CACNG6: variants seen among roughly 807,000 people sequenced by gnomAD.
CACNG6 encodes the protein voltage-dependent calcium channel gamma-6 subunit.
CACNG6 carries 21 observed loss-of-function variants against 23.9 expected under a neutral mutation model. The ratio of observed to expected loss-of-function variants is 0.88; its 90% CI spans 0.62 to 1.26. CACNG6 has a LOEUF of 1.26. Ranked by LOEUF, CACNG6 falls within the 50% of genes most tolerant of loss-of-function variation. CACNG6 has a pLI of 0.00. For synonymous variants in CACNG6, 182 were observed against 168.9 expected, an observed-to-expected ratio of 1.08 and a Z score of -0.60; for missense variants, 340 against 352.9, an observed-to-expected ratio of 0.96 and a Z score of 0.29.
chr19:53,993,103 TGCGA>T lies in CACNG6; in HGVS notation c.227_230del (p.Cys76Ter), dbSNP rs1176236347. ...CTACAAGGCCAACGGCAGCGCCGTG[TGCGA>T]AGCGGCCCACCTGGGGCTGTGGAAG... On this transcript the variant is annotated frameshift_variant, in exon 1 of 4. Transcript: ENST00000252729. LOFTEE classifies it high-confidence loss of function. The T allele has an allele frequency of 3.2e-6, 5 of 1,546,786 alleles. No homozygotes were observed. The African/African-American group carries it at 6.9e-5, about 21-fold the overall frequency.
At chr19:54,010,752 T>A (rs2556364) in intron 3 of CACNG6, among the ~76,000 whole-genome samples, 82,196 of 149,974 alleles carry the variant, frequency 0.55, 24,866 homozygotes, top group East Asian at 0.82. Flanking sequence ...TTTTTTAAAA[T>A]TTTTTTTTTG....
intron 3 of CACNG6, among the ~76,000 whole-genome samples, chr19:54,003,918 C>T (rs1314151322): frequency 6.6e-6 from 1 of 152,122 alleles, no homozygotes; most frequent in South Asian, 2.1e-4. Flanking sequence ...TGTACAGTGG[C>T]ACAATCACAG....
In CACNG6 at chr19:54,011,221, T is replaced by TACAC. The variant is rs373872212; in HGVS notation, c.545-729_545-728insCACA. Among the ~76,000 whole-genome samples the TACAC allele has an allele frequency of 8.9e-4, 90 of 101,078 alleles. 1 individual carries two copies. The highest frequency in any genetic ancestry group is 1.8e-3 in the South Asian group (6 of 3,374). 66.3% of individuals were successfully genotyped at this position (101,078 alleles called of 152,430 possible). A position where few individuals can be genotyped will look rare whatever the true frequency, so the allele number is the denominator to read the frequency against. ...AAAAAAAAAAATATATATATATATATATATATACACACACACACACACACA... is the reference window on the plus strand; with the variant it reads ...AAAAAAAAAAATATATATATATATATACACATATATACACACACACACACACACA... On this transcript the variant is annotated intron_variant, in intron 3 of 3. Coordinates refer to ENST00000252729, the MANE Select transcript of CACNG6 (RefSeq NM_145814.2).
At chr19:54,010,241 T>C (rs1309335057) in intron 3 of CACNG6, among the ~76,000 whole-genome samples, 1 of 151,988 alleles carries the variant, frequency 6.6e-6, no homozygotes, top group Non-Finnish European at 1.5e-5. Flanking sequence ...CTTGAACTCC[T>C]GACCTCAGGT....
At chr19:54,005,481 C>T (rs1394995402) in intron 3 of CACNG6, among the ~76,000 whole-genome samples, 1 of 151,172 alleles carries the variant, frequency 6.6e-6, no homozygotes, top group African/African-American at 2.4e-5. Flanking sequence ...ACTGGCCGGG[C>T]ATGGTGGTTC....
chr19:54,002,580 G>A (rs552697638), intron 3 of CACNG6, among the ~76,000 whole-genome samples: 24 of 151,488 alleles, frequency 1.6e-4, no homozygotes, highest in African/African-American at 4.8e-4. Flanking sequence ...AGGACGCAAC[G>A]ATGAATAAAA....
In CACNG6 at chr19:54,012,181, G is replaced by C. The variant is rs200238789; in HGVS notation, c.775G>C (p.Ala259Pro). The C allele has an allele frequency of 9.7e-5, 130 of 1,339,768 alleles. 1 individual carries two copies. In the African/African-American group the frequency reaches 1.9e-3, roughly 19 times the overall value. 83.0% of individuals were successfully genotyped at this position (1,339,768 alleles called of 1,614,324 possible). A position where few individuals can be genotyped will look rare whatever the true frequency, so the allele number is the denominator to read the frequency against. Residue 259 changes from alanine to proline, a missense_variant, in exon 4 of 4, where the codon GCC becomes CCC. Physicochemically the swap from Ala to Pro is conservative, Grantham distance 27 (BLOSUM62 -1). Transcript: ENST00000252729. ...CCTCTGTCCCAAGCGGGGGCACCGGGCCACCTAGAGCCACGCGTGAGACTT... is the reference window on the plus strand; with the variant it reads ...CCTCTGTCCCAAGCGGGGGCACCGGCCCACCTAGAGCCACGCGTGAGACTT... ...GSLCPKRGHR[A>P]T
intron 3 of CACNG6, among the ~76,000 whole-genome samples, chr19:53,999,995 T>C (rs1224338458): frequency 2.6e-5 from 4 of 152,174 alleles, no homozygotes; most frequent in African/African-American, 9.6e-5. Context: ...CCAAGCCCTG[T>C]TGCATGCTTG....
intron 1 of CACNG6, among the ~76,000 whole-genome samples, chr19:53,994,489 A>G (rs1363496205): frequency 1.3e-5 from 2 of 152,034 alleles, no homozygotes; most frequent in Non-Finnish European, 2.9e-5. Flanking sequence ...GGGACATTCT[A>G]TACCCCTTGG....
intron 1 of CACNG6, among the ~76,000 whole-genome samples, chr19:53,995,744 C>T (rs10419564): frequency 0.03 from 4,600 of 152,340 alleles, 224 homozygotes; most frequent in African/African-American, 0.1. Context: ...CCACTGCAAC[C>T]TCTGCCTCCA....
At chr19:53,998,980 G>T (rs1030168219) in intron 2 of CACNG6, among the ~76,000 whole-genome samples, 4 of 152,146 alleles carry the variant, frequency 2.6e-5, no homozygotes, top group Non-Finnish European at 4.4e-5. Context: ...CCTCGCAGTA[G>T]CCCTGCAGGG....
intron 3 of CACNG6, among the ~76,000 whole-genome samples, chr19:54,008,963 T>C (rs1190642873): frequency 6.6e-6 from 1 of 152,182 alleles, no homozygotes; most frequent in Non-Finnish European, 1.5e-5. Context: ...CGTTTAAAGG[T>C]TGGGAGAATT....
intron 1 of CACNG6, 61 bp downstream of exon 1, chr19:53,993,269 C>T (rs1169457608): frequency 6.8e-7 from 1 of 1,466,836 alleles, no homozygotes; most frequent in Non-Finnish European, 9.0e-7. Context: ...GGAGAGGGGC[C>T]CGTGTCCGAG....
At chr19:54,009,335 C>T (rs2069679440) in intron 3 of CACNG6, among the ~76,000 whole-genome samples, 1 of 150,088 alleles carries the variant, frequency 6.7e-6, no homozygotes, top group African/African-American at 2.5e-5. Context: ...GCAGGAGAAT[C>T]ACTTGAACTG....
At chr19:54,003,581 G>A (rs1483374485) in intron 3 of CACNG6, among the ~76,000 whole-genome samples, 5 of 151,932 alleles carry the variant, frequency 3.3e-5, no homozygotes, top group Non-Finnish European at 5.9e-5. Flanking sequence ...GGCTGGTCTC[G>A]AACTCCTGAC....
At chr19:53,999,984 T>C (rs1031409211) in intron 3 of CACNG6, among the ~76,000 whole-genome samples, 3 of 152,038 alleles carry the variant, frequency 2.0e-5, no homozygotes, top group African/African-American at 7.3e-5. Flanking sequence ...AGGTGGGATC[T>C]CCAAGCCCTG....
At chr19:54,009,816 C>T (rs2069685865) in intron 3 of CACNG6, among the ~76,000 whole-genome samples, 1 of 149,336 alleles carries the variant, frequency 6.7e-6, no homozygotes, top group Non-Finnish European at 1.5e-5. Flanking sequence ...ATCCCAGCTA[C>T]TCGGGAGGCT....
chr19:54,003,881 A>G (rs2069606233), intron 3 of CACNG6, among the ~76,000 whole-genome samples: 1 of 152,070 alleles, frequency 6.6e-6, no homozygotes, highest in Admixed American at 6.6e-5. Context: ...TTTTTAAGAC[A>G]GGGTCTGGCT....
Position 54,010,037 on chromosome 19 carries a change from TTTC to T in CACNG6, c.545-1911_545-1909del, listed in dbSNP as rs1381456788. ...ACTTGCATGGAGACTATTTCTTTTCTTTCTTTTTTTTTTTTTTTTGTTGCCCAG... is the reference window on the plus strand; with the variant it reads ...ACTTGCATGGAGACTATTTCTTTTCTTTTTTTTTTTTTTTTTGTTGCCCAG... On this transcript the variant is annotated intron_variant, in intron 3 of 3. Transcript: ENST00000252729. 2.5e-4 allele frequency among the ~76,000 whole-genome samples: 18 copies of T among 72,338 alleles called. 1 individual carries two copies. Among genetic ancestry groups the T allele is most frequent in the Middle Eastern group, 6.6e-3 (1 of 152 alleles). 47.5% of individuals were successfully genotyped at this position (72,338 alleles called of 152,430 possible).
Sources: allele counts gnomAD v4.1 joint callset (sites outside exome capture counted in the v4.1 genomes callset), GRCh38; gene constraint gnomAD v4.1.1; transcripts MANE v1.5; gene names NCBI Gene and HGNC (gene_info 2026-07-23, HGNC 2026-07-21).